Variants in FSIP2 observed in about 807,000 individuals in gnomAD.
The protein encoded by FSIP2 is fibrous sheath interacting protein 2, also known as fibrous sheath-interacting protein 2.
FSIP2 carries 367 observed loss-of-function variants against 510.5 expected under a neutral mutation model. That is an observed-to-expected ratio of 0.72 (90% CI 0.66 to 0.78). FSIP2 has a LOEUF of 0.78. FSIP2 is among the 30% of genes least tolerant of loss of function. FSIP2 has a pLI of 0.00. For synonymous variants in FSIP2, 2,601 were observed against 2,732.2 expected (o/e 0.95, Z 1.50); for missense variants, 7,594 against 7,901.7 (o/e 0.96, Z 1.48).
At chr2:185,745,667 C>A in intron 5 of FSIP2, 99 bp downstream of exon 5, 1 of 976,858 alleles carries the variant, frequency 1.0e-6, no homozygotes, top group Non-Finnish European at 1.4e-6. Flanking sequence ...TACTGGACAC[C>A]ATTCTCCTGG....
chr2:185,802,886 A>C lies in FSIP2; in HGVS notation c.13580A>C (p.Glu4527Ala). ...CAACATGAAATTCGATTTTCAAAAG[A>C]GGAAGAAGAAACCAAGTTTATTTAT... The part of the protein sequence containing the change: ...VSQHEIRFSK[E>A]EEETKFIYSE... Residue 4527 changes from glutamate (E) to alanine (A), a missense_variant, in exon 17 of 23, where the codon GAG becomes GCG. Coordinates refer to ENST00000424728, the MANE Select transcript of FSIP2 (RefSeq NM_173651.4). The C allele has an allele frequency of 6.7e-7, 1 of 1,498,136 alleles. No homozygotes were observed. The highest frequency in any genetic ancestry group is 8.8e-7 in the Non-Finnish European group (1 of 1,132,586). The allele number at this position is 1,498,136 out of a possible 1,614,324, so 92.8% of individuals were successfully genotyped here. A position where few individuals can be genotyped will look rare whatever the true frequency, so the allele number is the denominator to read the frequency against.
At chr2:185,777,429 A>T (rs1158012189) in intron 13 of FSIP2, among the ~76,000 whole-genome samples, 2 of 146,442 alleles carry the variant, frequency 1.4e-5, no homozygotes, top group African/African-American at 5.1e-5. Context: ...TCCCTTTCCT[A>T]AGACCTGAAG....
rs778115870 is a variant in FSIP2 at position 185,763,266 on chromosome 2, T to A, written c.1324T>A (p.Phe442Ile). 1.2e-5 allele frequency: 18 copies of A among 1,489,216 alleles called. No homozygotes were observed. The South Asian group carries it at 2.2e-4, about 18-fold the overall frequency. The allele number at this position is 1,489,216 out of a possible 1,614,324, so 92.3% of individuals were successfully genotyped here. ...TRNFSRVSQAFLDPSKEEKET... is the reference protein window; with the variant it reads ...TRNFSRVSQAILDPSKEEKET... Reference sequence around the variant, plus strand: ...AAATTTTTCCAGAGTTTCACAGGCATTTTTGGATCCTTCAAAAGAAGAGGT... The same window carrying A: ...AAATTTTTCCAGAGTTTCACAGGCAATTTTGGATCCTTCAAAAGAAGAGGT... Residue 442 changes from phenylalanine (F) to isoleucine (I), a missense_variant, in exon 12 of 23, where the codon TTT (phenylalanine) becomes ATT (isoleucine). Coordinates refer to ENST00000424728, the MANE Select transcript of FSIP2 (RefSeq NM_173651.4).
Position 185,793,350 on chromosome 2 carries a change from G to A in FSIP2, c.6214G>A (p.Val2072Ile). Residue 2072 changes from valine (V) to isoleucine (I), a missense_variant, in exon 16 of 23, where the codon GTT (valine) becomes ATT (isoleucine). Coordinates refer to ENST00000424728, the MANE Select transcript of FSIP2 (RefSeq NM_173651.4). ...KEIDLDQQKGVIEKLLNETKY... is the reference protein window; with the variant it reads ...KEIDLDQQKGIIEKLLNETKY... ...GATCGATTTAGATCAGCAAAAAGGTGTTATTGAAAAGCTGCTCAATGAGAC... is the reference window on the plus strand; with the variant it reads ...GATCGATTTAGATCAGCAAAAAGGTATTATTGAAAAGCTGCTCAATGAGAC... The A allele has an allele frequency of 6.5e-7, 1 of 1,534,006 alleles. No homozygotes were observed. Among genetic ancestry groups the A allele is most frequent in the South Asian group, 1.2e-5 (1 of 83,966 alleles).
Position 185,791,794 on chromosome 2 carries a change from C to A in FSIP2, c.4658C>A (p.Thr1553Asn). 4 of 1,534,300 alleles carry A rather than the reference C, an allele frequency of 2.6e-6. No individual in the cohort carries two copies. Among genetic ancestry groups the A allele is most frequent in the South Asian group, 2.4e-5 (2 of 83,964 alleles). Reference sequence around the variant, plus strand: ...GTTCAGGAGGACAATAAAGAAGAGACTAAAAGCAAGGCAAAACCTGTTGCT... The same window carrying A: ...GTTCAGGAGGACAATAAAGAAGAGAATAAAAGCAAGGCAAAACCTGTTGCT... ...RRVQEDNKEE[T>N]KSKAKPVAPV... is the part of the protein sequence containing the mutation. Residue 1553 changes from threonine (T) to asparagine (N), a missense_variant, in exon 16 of 23, where the codon ACT becomes AAT. By Grantham distance (65) the Thr-to-Asn change is moderately conservative (BLOSUM62 0). Transcript: ENST00000424728.
At chr2:185,745,157 C>G in intron 4 of FSIP2, 1 of 222,406 alleles carries the variant, frequency 4.5e-6, no homozygotes, top group Non-Finnish European at 8.7e-6. Context: ...TTCCCCACTT[C>G]ATTCTGTGCC....
chr2:185,804,268 T>G lies in FSIP2; in HGVS notation c.14962T>G (p.Leu4988Val). The change falls in exon 17 of 23, where the codon TTG becomes GTG. Residue 4988 changes from leucine (L) to valine (V), a missense_variant. Transcript: ENST00000424728. Reference protein sequence around the residue: ...KLKLTRIVTTLVNSIVLEFTT... With the variant: ...KLKLTRIVTTVVNSIVLEFTT... ...GAAACTTACCAGGATTGTTACAACA[T>G]TGGTAAATTCAATTGTTCTGGAGTT... 1 of 1,529,066 alleles carries G rather than the reference T, an allele frequency of 6.5e-7. No homozygotes were observed. The highest frequency in any genetic ancestry group is 8.7e-7 in the Non-Finnish European group (1 of 1,143,404). The allele number at this position is 1,529,066 out of a possible 1,614,324, so 94.7% of individuals were successfully genotyped here.
intron 13 of FSIP2, chr2:185,765,821 G>C (rs1414556430): frequency 4.0e-5 from 6 of 151,638 alleles, no homozygotes; most frequent in Non-Finnish European, 8.8e-5. Flanking sequence ...TTATTTCCTT[G>C]AGCAGCGGTT....
chr2:185,769,161 T>C (rs1196684055), intron 13 of FSIP2, among the ~76,000 whole-genome samples: 4 of 152,202 alleles, frequency 2.6e-5, no homozygotes, highest in Non-Finnish European at 5.9e-5. Context: ...AGTAATGGGA[T>C]CTCAGGGTCA....
chr2:185,777,236 A>G (rs901455976), intron 13 of FSIP2, among the ~76,000 whole-genome samples: 3 of 152,142 alleles, frequency 2.0e-5, no homozygotes, highest in Non-Finnish European at 2.9e-5. Flanking sequence ...AGGGGTAGAG[A>G]GACCTTCTTT....
At chr2:185,772,086 C>A (rs781655263) in intron 13 of FSIP2, among the ~76,000 whole-genome samples, 2 of 152,290 alleles carry the variant, frequency 1.3e-5, no homozygotes, top group Non-Finnish European at 2.9e-5. Context: ...TGGCTCAGTT[C>A]CTAATAACTT....
In FSIP2 at chr2:185,782,746, C is replaced by T. The variant is rs750004862; in HGVS notation, c.1453C>T (p.Pro485Ser). The T allele has an allele frequency of 4.5e-5, 67 of 1,499,504 alleles. 1 individual carries two copies. The Middle Eastern group carries it at 8.7e-4, about 20-fold the overall frequency. The allele number at this position is 1,499,504 out of a possible 1,614,324, so 92.9% of individuals were successfully genotyped here. The stretch of plus-strand genomic sequence containing the variant: ...TACAGACCCGGGTATATTTTCTTCT[C>T]CTGTTTACACAAATATGTAAGTACC... The part of the protein sequence containing the change: ...HATDPGIFSS[P>S]VYTNMQQNLL... Residue 485 changes from proline to serine, a missense_variant, in exon 14 of 23, where the codon CCT (proline) becomes TCT (serine). Transcript: ENST00000424728.
At chr2:185,811,546 T>G (rs1234053447) in intron 17 of FSIP2, among the ~76,000 whole-genome samples, 2 of 152,012 alleles carry the variant, frequency 1.3e-5, no homozygotes, top group Non-Finnish European at 2.9e-5. Context: ...TTGTTTGTTT[T>G]TTGAGAGAAA....
At chr2:185,739,128 CG>C in intron 1 of FSIP2, 135 bp downstream of exon 1, 4 of 1,263,910 alleles carry the variant, frequency 3.2e-6, no homozygotes, top group Non-Finnish European at 3.2e-6. Context: ...TTGCGGCGCC[CG>C]GGGGCGGTGG....
At chr2:185,816,724 C>A (rs74832942) in intron 19 of FSIP2, among the ~76,000 whole-genome samples, 1 of 151,622 alleles carries the variant, frequency 6.6e-6, no homozygotes, top group Non-Finnish European at 1.5e-5. Flanking sequence ...CTGGAATGGT[C>A]ATGTGCACCT....
intron 9 of FSIP2, among the ~76,000 whole-genome samples, chr2:185,759,236 T>C (rs1412683102): frequency 1.3e-5 from 2 of 150,778 alleles, no homozygotes; most frequent in Middle Eastern, 3.2e-3. Context: ...TTAATGGGTG[T>C]TGAATTGTAT....
chr2:185,801,465 T>G lies in FSIP2; in HGVS notation c.12159T>G (p.Asp4053Glu). The G allele has an allele frequency of 2.0e-6, 3 of 1,533,932 alleles. No individual in the cohort carries two copies. Among genetic ancestry groups the G allele is most frequent in the Non-Finnish European group, 2.6e-6 (3 of 1,145,486 alleles). ...AAATTGTTGACTCAGTTTATTATGA[T>G]GTTTTACAGCAGTATGAATTAAAAG... is the stretch of plus-strand genomic sequence containing the variant. ...VSKIVDSVYY[D>E]VLQQYELKVA... Residue 4053 changes from aspartate to glutamate, a missense_variant, in exon 17 of 23, where the codon GAT (aspartate) becomes GAG (glutamate). Asp to Glu is a conservative substitution (Grantham distance 45, BLOSUM62 2). Transcript: ENST00000424728.
intron 7 of FSIP2, among the ~76,000 whole-genome samples, chr2:185,749,913 T>C (rs966785951): frequency 2.0e-5 from 3 of 151,908 alleles, no homozygotes; most frequent in African/African-American, 7.2e-5. Context: ...TGTGGTTTTA[T>C]TGAATTCATA....
rs191166819 is a variant in FSIP2, at chr2:185,762,015, G to A, written c.1238G>A (p.Arg413Lys). 38 of 1,435,550 alleles carry A rather than the reference G, an allele frequency of 2.6e-5. No homozygotes were observed. In the East Asian group the frequency reaches 9.5e-4, roughly 36 times the overall value. The allele number at this position is 1,435,550 out of a possible 1,614,324, so 88.9% of individuals were successfully genotyped here. Reference sequence around the variant, plus strand: ...AAAAACTCAAGTATTTTCGATGATAGAGGTAAGAAAATAAACAATAGTCAT... The same window carrying A: ...AAAAACTCAAGTATTTTCGATGATAAAGGTAAGAAAATAAACAATAGTCAT... ...VSKNSSIFDDRGGINISGQGS... is the reference protein window; with the variant it reads ...VSKNSSIFDDKGGINISGQGS... The change falls in exon 11 of 23, where the codon AGA (arginine) becomes AAA (lysine). Residue 413 changes from arginine (R) to lysine (K), a missense_variant and splice_region_variant. Physicochemically the swap from Arg to Lys is conservative, Grantham distance 26 (BLOSUM62 2). Transcript: ENST00000424728.
Sources: gnomAD v4.1 joint callset for allele counts (sites outside exome capture counted in the v4.1 genomes callset) on GRCh38, gnomAD v4.1.1 for gene constraint, MANE v1.5 for transcripts, NCBI Gene and HGNC (gene_info 2026-07-23, HGNC 2026-07-21) for gene names.